Variants in AP2A1 observed in about 807,000 individuals in gnomAD.
AP2A1 encodes AP-2 complex subunit alpha-1.
A neutral mutation model predicts 107.3 loss-of-function variants in AP2A1; 21 were observed. The observed-to-expected ratio is 0.20, with a 90% confidence interval of 0.14 to 0.28. AP2A1 has a LOEUF of 0.28. Ranked by LOEUF, AP2A1 falls within the 10% of genes least tolerant of loss-of-function variation. The pLI is 1.00. For missense variants in AP2A1, 873 were observed against 1,307.7 expected, an observed-to-expected ratio of 0.67 and a Z score of 5.13; for synonymous variants, 602 against 564.8, an observed-to-expected ratio of 1.07 and a Z score of -0.93.
chr19:49,781,867 G>A (rs1427635354), intron 2 of AP2A1, 42 bp downstream of exon 2: 2 of 1,608,768 alleles, frequency 1.2e-6, no homozygotes, highest in Admixed American at 1.7e-5. Flanking sequence ...GGAGGAGGGG[G>A]CTGGGAGCTG....
chr19:49,786,497 G>A (rs571173311), intron 4 of AP2A1, among the ~76,000 whole-genome samples: 1 of 152,196 alleles, frequency 6.6e-6, no homozygotes, highest in South Asian at 2.1e-4. Context: ...AGTTAAGCTC[G>A]GGCCTGGTGA....
chr19:49,774,136 G>A (rs900979310), intron 1 of AP2A1, among the ~76,000 whole-genome samples: 2 of 152,200 alleles, frequency 1.3e-5, no homozygotes, highest in African/African-American at 2.4e-5. Context: ...CCTTAAGAAC[G>A]GGACAGATGC....
At chr19:49,771,071 C>T (rs1431362044) in intron 1 of AP2A1, among the ~76,000 whole-genome samples, 1 of 151,784 alleles carries the variant, frequency 6.6e-6, no homozygotes, top group Admixed American at 6.6e-5. Context: ...AGGATGGTCT[C>T]GAACTCCTGG....
At chr19:49,778,308 C>T (rs1600218842) in intron 1 of AP2A1, among the ~76,000 whole-genome samples, 3 of 152,128 alleles carry the variant, frequency 2.0e-5, no homozygotes, top group South Asian at 2.1e-4. Context: ...AGTGGCCAGG[C>T]GTGGTGGCTT....
chr19:49,803,704 G>A (rs2073322485), intron 18 of AP2A1: 1 of 400,168 alleles, frequency 2.5e-6, no homozygotes, highest in African/African-American at 2.1e-5. Context: ...CCTGCACTCA[G>A]GAGCCAGGCC....
chr19:49,790,590 G>A (rs2073129817), intron 4 of AP2A1, among the ~76,000 whole-genome samples: 1 of 152,112 alleles, frequency 6.6e-6, no homozygotes, highest in East Asian at 1.9e-4. Flanking sequence ...GTAGAGATGG[G>A]GGTCTCACCA....
intron 1 of AP2A1, among the ~76,000 whole-genome samples, chr19:49,778,621 C>A (rs2084641180): frequency 6.6e-6 from 1 of 152,014 alleles, no homozygotes; most frequent in Non-Finnish European, 1.5e-5. Flanking sequence ...ATGGGACTGT[C>A]CTGTAGGCAA....
chr19:49,806,274 C>A (rs1389694454), intron 22 of AP2A1, 21 bp downstream of exon 22: 1 of 1,580,482 alleles, frequency 6.3e-7, no homozygotes, highest in South Asian at 1.1e-5. Flanking sequence ...CTGTGGGAGG[C>A]CTGAGGCCGG....
At chr19:49,769,954 C>T (rs748325307) in intron 1 of AP2A1, among the ~76,000 whole-genome samples, 5 of 152,004 alleles carry the variant, frequency 3.3e-5, no homozygotes, top group African/African-American at 9.7e-5. Flanking sequence ...CTGCAACCTC[C>T]GCCTCCCAGG....
intron 1 of AP2A1, among the ~76,000 whole-genome samples, chr19:49,773,727 T>A (rs983113508): frequency 6.6e-6 from 1 of 152,164 alleles, no homozygotes; most frequent in East Asian, 1.9e-4. Context: ...TTAAGGATGA[T>A]GCTCTTATAT....
At chr19:49,794,927 T>C (rs919250204) in intron 6 of AP2A1, among the ~76,000 whole-genome samples, 21 of 152,214 alleles carry the variant, frequency 1.4e-4, no homozygotes, top group Non-Finnish European at 2.9e-4. Context: ...CCTCCCAAAG[T>C]GCTGGGATTA....
chr19:49,800,232 C>T (rs1600240761), intron 11 of AP2A1, 82 bp downstream of exon 11: 15 of 1,457,246 alleles, frequency 1.0e-5, no homozygotes, highest in Non-Finnish European at 1.4e-5. Context: ...GTGGCGCCTG[C>T]CAGCCCGCAG....
chr19:49,786,431 G>A (rs963242566), intron 4 of AP2A1, among the ~76,000 whole-genome samples: 3 of 152,026 alleles, frequency 2.0e-5, no homozygotes, highest in Non-Finnish European at 4.4e-5. Flanking sequence ...GTTTGGACTC[G>A]CTGCAGTTCC....
At chr19:49,791,798 G>T in intron 4 of AP2A1, 137 bp from the exon 5 acceptor site, 1 of 1,161,248 alleles carries the variant, frequency 8.6e-7, no homozygotes, top group Non-Finnish European at 1.2e-6. Flanking sequence ...CGCCAGACTG[G>T]ATCCTGCGGC....
intron 18 of AP2A1, chr19:49,803,784 C>T (rs1029943800): frequency 3.4e-5 from 10 of 290,730 alleles, no homozygotes; most frequent in South Asian, 1.4e-4. Flanking sequence ...CTCCTGTCCC[C>T]GCTGTGAAGT....
intron 6 of AP2A1, 120 bp from the exon 7 acceptor site, chr19:49,795,510 C>A: frequency 1.4e-6 from 1 of 692,178 alleles, no homozygotes; most frequent in South Asian, 1.7e-5. Context: ...AACCCACTAA[C>A]AAAACCATTA....
chr19:49,794,733 G>T (rs894640423), intron 6 of AP2A1, among the ~76,000 whole-genome samples: 12 of 152,098 alleles, frequency 7.9e-5, no homozygotes, highest in Non-Finnish European at 4.4e-5. Context: ...CGTGATCTTG[G>T]CTCACTGCAA....
At chr19:49,783,236 C>A (rs561888066) in intron 4 of AP2A1, among the ~76,000 whole-genome samples, 1 of 152,134 alleles carries the variant, frequency 6.6e-6, no homozygotes, top group Non-Finnish European at 1.5e-5. Flanking sequence ...CTCATGTAAT[C>A]GCTGCATTTG....
At chr19:49,770,518 A>G (rs768415679) in intron 1 of AP2A1, among the ~76,000 whole-genome samples, 7 of 152,310 alleles carry the variant, frequency 4.6e-5, no homozygotes, top group Non-Finnish European at 1.0e-4. Context: ...CCTTCACACT[A>G]ATACCTGGAC....
Sources: allele counts gnomAD v4.1 joint callset (sites outside exome capture counted in the v4.1 genomes callset), GRCh38; gene constraint gnomAD v4.1.1; transcripts MANE v1.5; gene names NCBI Gene and HGNC (gene_info 2026-07-23, HGNC 2026-07-21).